Variants in MS4A13 observed in about 807,000 individuals in gnomAD.
MS4A13 encodes membrane spanning 4-domains A13.
Under a neutral mutation model 18.4 loss-of-function variants are expected in MS4A13, and 21 were observed. The observed-to-expected ratio is 1.14, with a 90% confidence interval of 0.81 to 1.64. MS4A13 has a LOEUF of 1.64. Among genes scored for constraint, MS4A13 ranks in the 40% most tolerant of loss-of-function variants. The pLI, the probability that MS4A13 is intolerant of heterozygous loss-of-function variation, is 0.00. For missense variants in MS4A13, 173 were observed against 176.8 expected, an observed-to-expected ratio of 0.98 and a Z score of 0.12; for synonymous variants, 62 against 57.2, an observed-to-expected ratio of 1.08 and a Z score of -0.38.
At chr11:60,521,536 C>T (rs566418240) in intron 3 of MS4A13, among the ~76,000 whole-genome samples, 1 of 152,348 alleles carries the variant, frequency 6.6e-6, no homozygotes, top group South Asian at 2.1e-4. Flanking sequence ...CCACCAGTCT[C>T]TTTGCTAAAA....
intron 4 of MS4A13, among the ~76,000 whole-genome samples, chr11:60,524,680 T>TTAA (rs2086700630): frequency 9.0e-6 from 1 of 111,148 alleles, no homozygotes; most frequent in African/African-American, 3.2e-5. Context: ...TTTTTTTTTT[T>TTAA]GAGATGGAGT....
intron 4 of MS4A13, 71 bp from the exon 5 acceptor site, chr11:60,525,136 C>T: frequency 8.6e-7 from 1 of 1,166,788 alleles, no homozygotes; most frequent in South Asian, 1.3e-5. Context: ...TGAGTTTTTT[C>T]AGCAATGCAA....
intron 6 of MS4A13, among the ~76,000 whole-genome samples, chr11:60,531,496 TG>T (rs1199106820): frequency 3.9e-5 from 6 of 152,320 alleles, no homozygotes; most frequent in Middle Eastern, 3.4e-3. Context: ...AAGTAAAAGC[TG>T]GGGCAACCTC....
intron 6 of MS4A13, among the ~76,000 whole-genome samples, chr11:60,529,996 G>A (rs2086752854): frequency 6.6e-6 from 1 of 152,080 alleles, no homozygotes; most frequent in Non-Finnish European, 1.5e-5. Flanking sequence ...TTGCATACAG[G>A]ACCACTAATT....
intron 6 of MS4A13, among the ~76,000 whole-genome samples, chr11:60,541,153 ATC>A (rs2086854904): frequency 6.6e-6 from 1 of 152,234 alleles, no homozygotes; most frequent in Non-Finnish European, 1.5e-5. Flanking sequence ...TAAAAGAAAT[ATC>A]TCTCAAACTC....
At chr11:60,525,175 TATA>T (rs1266852045) in intron 4 of MS4A13, 29 bp from the exon 5 acceptor site, 1 of 1,484,148 alleles carries the variant, frequency 6.7e-7, no homozygotes, top group Non-Finnish European at 9.4e-7. Context: ...TTATTCTGAA[TATA>T]ATAAATTTGC....
intron 2 of MS4A13, among the ~76,000 whole-genome samples, chr11:60,516,297 A>G (rs2086637200): frequency 6.6e-6 from 1 of 152,184 alleles, no homozygotes; most frequent in Non-Finnish European, 1.5e-5. Context: ...CAACACACAC[A>G]GGATAATAGA....
chr11:60,518,225 C>T lies in MS4A13; in HGVS notation c.129+13C>T, dbSNP rs2086650793. 6.3e-7 allele frequency: 1 copy of T among 1,588,022 alleles called. No homozygotes were observed. Among genetic ancestry groups the T allele is most frequent in the Admixed American group, 1.7e-5 (1 of 57,504 alleles). On this transcript the variant is annotated intron_variant, in intron 3 of 6. Transcript: ENST00000378186. ...ATGGGGAATTTTTGTGAGTAGAATACATATATATTGCTTTAATCATACAAT... is the reference window on the plus strand; with the variant it reads ...ATGGGGAATTTTTGTGAGTAGAATATATATATATTGCTTTAATCATACAAT...
chr11:60,523,518 G>T (rs988816939), intron 3 of MS4A13, among the ~76,000 whole-genome samples: 5 of 152,156 alleles, frequency 3.3e-5, no homozygotes, highest in Non-Finnish European at 7.4e-5. Context: ...TATGTACATA[G>T]TAATCATAAG....
chr11:60,518,557 G>A lies in MS4A13; in HGVS notation c.129+345G>A, dbSNP rs2135247052. On this transcript the variant is annotated intron_variant, in intron 3 of 6. Coordinates refer to ENST00000378186, the MANE Select transcript of MS4A13 (RefSeq NM_001012417.3). Reference sequence around the variant, plus strand: ...CTTCACTTCAGTCTCCTCACCCAATGAGTCAGTACTCATTTTCTAAATTTT... The same window carrying A: ...CTTCACTTCAGTCTCCTCACCCAATAAGTCAGTACTCATTTTCTAAATTTT... Among the ~76,000 whole-genome samples the A allele has an allele frequency of 1.3e-5, 2 of 152,254 alleles. 1 individual carries two copies. The highest frequency in any genetic ancestry group is 4.2e-4 in the South Asian group (2 of 4,816).
At position 60,539,744 on chromosome 11, in the gene MS4A13, C is replaced by T. The variant is rs75935096; in HGVS notation, c.403-2775C>T. ...AGACTCTTCATATATAAGGGAACCA[C>T]AATAATATAAACAGCTGGGTTCTCA... On this transcript the variant is annotated intron_variant, in intron 6 of 6. Transcript: ENST00000378186. Among the ~76,000 whole-genome samples the T allele has an allele frequency of 5.1e-3, 775 of 152,074 alleles. 10 individuals are homozygous for T. The highest frequency in any genetic ancestry group is 0.018 in the African/African-American group (760 of 41,478).
chr11:60,532,576 G>A (rs1309451232), intron 6 of MS4A13, among the ~76,000 whole-genome samples: 1 of 152,150 alleles, frequency 6.6e-6, no homozygotes, highest in Non-Finnish European at 1.5e-5. Context: ...AAACTGCGAG[G>A]TGGCAGCGAG....
intron 3 of MS4A13, among the ~76,000 whole-genome samples, chr11:60,519,532 G>A (rs556572753): frequency 1.6e-4 from 24 of 152,166 alleles, no homozygotes; most frequent in African/African-American, 4.6e-4. Context: ...AATAATCATC[G>A]AGGAAAAGTG....
chr11:60,532,380 G>T (rs559689267), intron 6 of MS4A13, among the ~76,000 whole-genome samples: 2 of 152,212 alleles, frequency 1.3e-5, no homozygotes, highest in Non-Finnish European at 2.9e-5. Flanking sequence ...GGGTCAGGGA[G>T]TTCCCTTTCC....
chr11:60,533,584 T>C (rs2086789026), intron 6 of MS4A13, among the ~76,000 whole-genome samples: 1 of 119,296 alleles, frequency 8.4e-6, no homozygotes, highest in South Asian at 3.4e-4. Flanking sequence ...TGGAACCAAG[T>C]TGGAAAACAC....
intron 6 of MS4A13, among the ~76,000 whole-genome samples, chr11:60,531,570 T>C (rs1334955879): frequency 6.6e-6 from 1 of 152,212 alleles, no homozygotes; most frequent in Non-Finnish European, 1.5e-5. Flanking sequence ...TCTTACTGGC[T>C]CAAGGTGTCT....
chr11:60,535,526 TAATC>T (rs1245147318), intron 6 of MS4A13, among the ~76,000 whole-genome samples: 2 of 127,394 alleles, frequency 1.6e-5, no homozygotes, highest in East Asian at 5.6e-4. Context: ...ATTGTGGCAA[TAATC>T]AATAGTTTAC....
At chr11:60,541,242 C>A (rs192052044) in intron 6 of MS4A13, among the ~76,000 whole-genome samples, 5 of 152,192 alleles carry the variant, frequency 3.3e-5, no homozygotes, top group Non-Finnish European at 7.4e-5. Flanking sequence ...AATGTGCATA[C>A]CCTATGATCA....
At chr11:60,523,856 G>A (rs1460239683) in intron 3 of MS4A13, 41 bp from the exon 4 acceptor site, 3 of 1,117,568 alleles carry the variant, frequency 2.7e-6, no homozygotes, top group South Asian at 1.3e-5. Flanking sequence ...AAATTGGCAA[G>A]CATTATCAAT....
Sources: allele counts gnomAD v4.1 joint callset (sites outside exome capture counted in the v4.1 genomes callset), GRCh38; gene constraint gnomAD v4.1.1; transcripts MANE v1.5; gene names NCBI Gene and HGNC (gene_info 2026-07-23, HGNC 2026-07-21).